SLC35F1: variants seen among roughly 807,000 people sequenced by gnomAD.
SLC35F1 encodes the protein solute carrier family 35 member F1.
Under a neutral mutation model 48.7 loss-of-function variants are expected in SLC35F1, and 14 were observed. The ratio of observed to expected loss-of-function variants is 0.29; its 90% CI spans 0.19 to 0.45. The LOEUF (loss-of-function observed/expected upper bound fraction) is 0.45. SLC35F1 is among the 20% of genes least tolerant of loss of function. The pLI is 1.00. For synonymous variants in SLC35F1, 190 were observed against 202.2 expected, an observed-to-expected ratio of 0.94 and a Z score of 0.51; for missense variants, 404 against 500.0, an observed-to-expected ratio of 0.81 and a Z score of 1.83.
Position 118,267,164 on chromosome 6 carries a change from C to T in SLC35F1, c.637+10C>T, listed in dbSNP as rs767912615. On this transcript the variant is annotated intron_variant, in intron 4 of 7. Coordinates refer to ENST00000360388, the MANE Select transcript of SLC35F1 (RefSeq NM_001029858.4). ...AGACATCAGGGAGCAGGTGAGTCTTCGGATGTTCACCAGGTTCCTTACCTC... is the reference window on the plus strand; with the variant it reads ...AGACATCAGGGAGCAGGTGAGTCTTTGGATGTTCACCAGGTTCCTTACCTC... 8.7e-6 allele frequency: 14 copies of T among 1,613,686 alleles called. No homozygotes were observed. Among genetic ancestry groups the T allele is most frequent in the South Asian group, 4.4e-5 (4 of 91,050 alleles).
chr6:118,080,690 A>T (rs1412748223), intron 1 of SLC35F1, among the ~76,000 whole-genome samples: 2 of 152,144 alleles, frequency 1.3e-5, no homozygotes, highest in Admixed American at 6.6e-5. Context: ...TTCTCGTTTG[A>T]TTGAAATAGT....
At chr6:117,945,501 T>C (rs1776285345) in intron 1 of SLC35F1, among the ~76,000 whole-genome samples, 1 of 152,242 alleles carries the variant, frequency 6.6e-6, no homozygotes. Context: ...TATGGGTATA[T>C]AATACTCCTC....
chr6:118,164,248 A>C (rs1774283021), intron 2 of SLC35F1, among the ~76,000 whole-genome samples: 1 of 152,204 alleles, frequency 6.6e-6, no homozygotes, highest in Non-Finnish European at 1.5e-5. Flanking sequence ...AAATATGATT[A>C]GAATTTATGT....
intron 1 of SLC35F1, among the ~76,000 whole-genome samples, chr6:117,983,612 C>A (rs901474437): frequency 6.6e-6 from 1 of 152,092 alleles, no homozygotes; most frequent in Non-Finnish European, 1.5e-5. Flanking sequence ...AATTCAGAAG[C>A]AGCTGTAAAT....
rs58339205 is a variant in SLC35F1 at position 118,094,660 on chromosome 6, T to C, written c.174-59785T>C. Among the ~76,000 whole-genome samples the C allele has an allele frequency of 4.9e-3, 751 of 152,046 alleles. 5 individuals are homozygous for C. Among genetic ancestry groups the C allele is most frequent in the African/African-American group, 0.016 (661 of 41,492 alleles). ...AAGCCAGGGGAAAGGGGTGTCCAGA[T>C]GATGAGTAAGAAGAGGGAGGACTGA... On this transcript the variant is annotated intron_variant, in intron 1 of 7. Coordinates refer to ENST00000360388, the MANE Select transcript of SLC35F1 (RefSeq NM_001029858.4).
intron 2 of SLC35F1, among the ~76,000 whole-genome samples, chr6:118,219,639 T>C (rs1562329218): frequency 3.3e-5 from 5 of 152,174 alleles, no homozygotes; most frequent in Admixed American, 1.3e-4. Flanking sequence ...GGATCTAGAA[T>C]ACCATTTGAC....
intron 6 of SLC35F1, among the ~76,000 whole-genome samples, chr6:118,280,696 G>A (rs1171053537): frequency 1.3e-5 from 2 of 151,942 alleles, no homozygotes; most frequent in Admixed American, 6.6e-5. Flanking sequence ...TGGCCAACAT[G>A]GTGAAACCGT....
chr6:118,173,391 A>C (rs56306255), intron 2 of SLC35F1, among the ~76,000 whole-genome samples: 1 of 129,444 alleles, frequency 7.7e-6, no homozygotes, highest in African/African-American at 3.9e-5. Context: ...TAGTTAAAAA[A>C]AAAACAAAAA....
chr6:118,046,439 T>C (rs1772303237), intron 1 of SLC35F1, among the ~76,000 whole-genome samples: 1 of 152,186 alleles, frequency 6.6e-6, no homozygotes, highest in Admixed American at 6.6e-5. Context: ...ATGTTGATAC[T>C]TATTACCGAG....
intron 2 of SLC35F1, among the ~76,000 whole-genome samples, chr6:118,179,341 G>C (rs1362160347): frequency 6.6e-6 from 1 of 152,140 alleles, no homozygotes; most frequent in Non-Finnish European, 1.5e-5. Flanking sequence ...GTTGGTGTAA[G>C]TCTCTTCATC....
intron 1 of SLC35F1, among the ~76,000 whole-genome samples, chr6:117,916,124 G>A (rs1348922910): frequency 1.3e-5 from 2 of 152,322 alleles, no homozygotes; most frequent in East Asian, 1.9e-4. Flanking sequence ...ATGGATGCCT[G>A]CCGGACTACA....
At chr6:118,082,704 T>C (rs1042113905) in intron 1 of SLC35F1, among the ~76,000 whole-genome samples, 5 of 152,172 alleles carry the variant, frequency 3.3e-5, no homozygotes, top group Admixed American at 3.3e-4. Context: ...TTTTTCTCTT[T>C]GTGTTGGCTT....
At chr6:117,936,206 C>T (rs1035420495) in intron 1 of SLC35F1, among the ~76,000 whole-genome samples, 10 of 152,210 alleles carry the variant, frequency 6.6e-5, no homozygotes, top group African/African-American at 2.4e-4. Flanking sequence ...TGTTTAAATG[C>T]TCCTCTTCTG....
intron 1 of SLC35F1, among the ~76,000 whole-genome samples, chr6:117,997,595 C>G (rs1357046699): frequency 6.6e-6 from 1 of 152,146 alleles, no homozygotes; most frequent in African/African-American, 2.4e-5. Context: ...ACTCTACAAG[C>G]CGGAAGAGAG....
chr6:117,967,451 G>T (rs930254535), intron 1 of SLC35F1, among the ~76,000 whole-genome samples: 1 of 152,178 alleles, frequency 6.6e-6, no homozygotes, highest in African/African-American at 2.4e-5. Context: ...ACAGAAATTG[G>T]TAGGTTATTC....
intron 4 of SLC35F1, among the ~76,000 whole-genome samples, chr6:118,267,668 A>T (rs762148474): frequency 5.4e-4 from 82 of 152,334 alleles, no homozygotes; most frequent in Non-Finnish European, 8.8e-4. Flanking sequence ...AGGACTAGTT[A>T]GGAGTGCTCC....
chr6:118,003,204 T>C (rs932739313), intron 1 of SLC35F1, among the ~76,000 whole-genome samples: 1 of 152,232 alleles, frequency 6.6e-6, no homozygotes, highest in East Asian at 1.9e-4. Context: ...GGCTCCAGCA[T>C]GTCAGAATTT....
intron 1 of SLC35F1, among the ~76,000 whole-genome samples, chr6:118,138,512 A>G (rs1057387655): frequency 6.6e-6 from 1 of 152,154 alleles, no homozygotes; most frequent in Admixed American, 6.5e-5. Context: ...ATTCATTCCA[A>G]GGCACTATAT....
intron 2 of SLC35F1, among the ~76,000 whole-genome samples, chr6:118,215,586 C>T (rs765695314): frequency 2.0e-5 from 3 of 151,982 alleles, no homozygotes; most frequent in Non-Finnish European, 2.9e-5. Flanking sequence ...GCAGAAATGA[C>T]GATATGATGG....
Sources: allele counts gnomAD v4.1 joint callset (sites outside exome capture counted in the v4.1 genomes callset), GRCh38; gene constraint gnomAD v4.1.1; transcripts MANE v1.5; gene names NCBI Gene and HGNC (gene_info 2026-07-23, HGNC 2026-07-21).